TEAD2: variants seen among roughly 807,000 people sequenced by gnomAD.
TEAD2 encodes transcriptional enhancer factor TEF-4.
TEAD2 carries 51 observed loss-of-function variants against 61.4 expected under a neutral mutation model. That is an observed-to-expected ratio of 0.83 (90% CI 0.66 to 1.05). The LOEUF is 1.05. Among genes scored for constraint, TEAD2 ranks in the 50% least tolerant of loss-of-function variants. The pLI is 0.00. For synonymous variants in TEAD2, 244 were observed against 243.2 expected (o/e 1.00, Z -0.03); for missense variants, 509 against 600.0 (o/e 0.85, Z 1.58).
chr19:49,342,939 TGTAA>T (rs1327050951), intron 11 of TEAD2, among the ~76,000 whole-genome samples: 2 of 152,082 alleles, frequency 1.3e-5, no homozygotes, highest in Admixed American at 6.5e-5. Flanking sequence ...CTCCAGCAAC[TGTAA>T]GTGTGACTTC....
chr19:49,344,946 C>A (rs1293209916), intron 10 of TEAD2, among the ~76,000 whole-genome samples: 1 of 152,208 alleles, frequency 6.6e-6, no homozygotes, highest in Non-Finnish European at 1.5e-5. Context: ...GCGAGGCGCA[C>A]CTCTTCCTCT....
intron 11 of TEAD2, 65 bp downstream of exon 11, chr19:49,343,166 T>C (rs1971410310): frequency 6.6e-7 from 1 of 1,510,514 alleles, no homozygotes; most frequent in Non-Finnish European, 8.8e-7. Context: ...GCCTGAGTCA[T>C]GATGGCTTCT....
At position 49,341,852 on chromosome 19, in the gene TEAD2, T is replaced by A. The variant is rs1413363195; in HGVS notation, c.1243-415A>T. Among the ~76,000 whole-genome samples the A allele has an allele frequency of 6.6e-6, 1 of 152,024 alleles. No individual in the cohort carries two copies. The highest frequency in any genetic ancestry group is 1.5e-5 in the Non-Finnish European group (1 of 67,984). ...GACAAGCTGAGGATCTGCCTTCGAG[T>A]GCCCTCCAGTCAGCTTCACCAGGGA... On this transcript the variant is annotated intron_variant, in intron 12 of 12. Coordinates refer to ENST00000593945, the MANE Select transcript of TEAD2 (RefSeq NM_001256660.2). The surrounding 1 kb of genome is among the most constrained non-coding windows in gnomAD (Gnocchi z 4.2).
At chr19:49,355,669 A>G (rs1170880852) in intron 5 of TEAD2, among the ~76,000 whole-genome samples, 1 of 152,168 alleles carries the variant, frequency 6.6e-6, no homozygotes, top group Non-Finnish European at 1.5e-5. Context: ...TCTACTAAAA[A>G]TACAAAAACT....
chr19:49,359,947 C>T lies in TEAD2; in HGVS notation c.129G>A (p.Gly43=), dbSNP rs755034293. The T allele has an allele frequency of 1.9e-6, 3 of 1,612,018 alleles. No individual in the cohort carries two copies. Among genetic ancestry groups the T allele is most frequent in the South Asian group, 2.2e-5 (2 of 91,078 alleles). ...AGGDGGPDAE[G]VWSPDIEQSF... ...TCTGCTCAATGTCTGGGCTCCACAC[C>T]CCCTCTGCATCCGGGCCCCCGTCAC... Residue 43 remains glycine (G), a synonymous_variant, in exon 2 of 13, where the codon GGG becomes GGA. Transcript: ENST00000593945. The surrounding 1 kb of genome is among the most constrained non-coding windows in gnomAD (Gnocchi z 4.1).
rs917496084 is a variant in TEAD2, at chr19:49,355,105, G to A, written c.539+43C>T. 6 of 1,547,742 alleles carry A rather than the reference G, an allele frequency of 3.9e-6. No homozygotes were observed. The African/African-American group carries it at 5.5e-5, about 14-fold the overall frequency. The stretch of plus-strand genomic sequence containing the variant: ...GTGAGAAAGGTCTCTGTGGGAGTGT[G>A]AGGGTGGGGGGCAGGTGCTGAGCCA... On this transcript the variant is annotated intron_variant, in intron 7 of 12. Transcript: ENST00000593945.
intron 5 of TEAD2, 125 bp downstream of exon 5, chr19:49,355,832 GAA>G: frequency 1.1e-6 from 1 of 885,356 alleles, no homozygotes; most frequent in Non-Finnish European, 1.5e-6. Flanking sequence ...TCTCCAAAAA[GAA>G]AAAAAAAGGC....
Position 49,355,303 on chromosome 19 carries a change from C to G in TEAD2, c.480+9G>C. ...GCCCCCACGTCCCACAATCCCCAAC[C>G]TGGACCACCTGAGGACCAGTGGGAC... On this transcript the variant is annotated intron_variant, in intron 6 of 12. Coordinates refer to ENST00000593945, the MANE Select transcript of TEAD2 (RefSeq NM_001256660.2). 6.2e-7 allele frequency: 1 copy of G among 1,614,138 alleles called. No homozygotes were observed. The highest frequency in any genetic ancestry group is 8.5e-7 in the Non-Finnish European group (1 of 1,180,024).
At position 49,355,163 on chromosome 19, in the gene TEAD2, G is replaced by C; in HGVS notation, c.524C>G (p.Pro175Arg). The change falls in exon 7 of 13, where the codon CCC (proline) becomes CGC (arginine). Residue 175 changes from proline (P) to arginine (R), a missense_variant. Pro to Arg is a moderately radical substitution (Grantham distance 103). Transcript: ENST00000593945. ...TAGTACTCACTCTGGAACATTCCAG[G>C]GGGGCCCAGATCCTCCAGACCAAAA... The part of the protein sequence containing the change: ...FQFWSGGSGP[P>R]WNVPDVKPFS... The C allele has an allele frequency of 6.2e-7, 1 of 1,610,502 alleles. No individual in the cohort carries two copies. Among genetic ancestry groups the C allele is most frequent in the South Asian group, 1.1e-5 (1 of 90,506 alleles).
At position 49,347,314 on chromosome 19, in the gene TEAD2, C is replaced by T; in HGVS notation, c.797G>A (p.Gly266Glu). The T allele has an allele frequency of 6.2e-7, 1 of 1,613,300 alleles. No individual in the cohort carries two copies. Among genetic ancestry groups the T allele is most frequent in the Non-Finnish European group, 8.5e-7 (1 of 1,180,018 alleles). ...VHISQHCPSP[G>E]APPLESVDVR... ...GTCCACACTCTCGAGCGGCGGCGCT[C>T]CGGGGCTGGGGCAGTGCTGGCTGAT... The change falls in exon 10 of 13, where the codon GGA becomes GAA. Residue 266 changes from glycine (G) to glutamate (E), a missense_variant. Physicochemically the swap from Gly to Glu is moderately conservative, Grantham distance 98. Coordinates refer to ENST00000593945, the MANE Select transcript of TEAD2 (RefSeq NM_001256660.2).
intron 10 of TEAD2, among the ~76,000 whole-genome samples, chr19:49,344,106 G>A (rs920468117): frequency 5.9e-5 from 9 of 151,582 alleles, no homozygotes; most frequent in African/African-American, 1.5e-4. Context: ...CTTGGCCTCC[G>A]AAAGTGCTGG....
chr19:49,348,800 G>T lies in TEAD2; in HGVS notation c.650C>A (p.Pro217Gln). The T allele has an allele frequency of 6.2e-7, 1 of 1,608,582 alleles. No homozygotes were observed. Among genetic ancestry groups the T allele is most frequent in the East Asian group, 2.2e-5 (1 of 44,820 alleles). Residue 217 changes from proline (P) to glutamine (Q), a missense_variant, in exon 9 of 13, where the codon CCA becomes CAA. By Grantham distance (76) the Pro-to-Gln change is moderately conservative (BLOSUM62 -1). Transcript: ENST00000593945. Reference sequence around the variant, plus strand: ...CCGAGCCTGCCAGGCTGGGGGCGATGGGGTAGGTGGGGGCAGGGGTGAGAG... The same window carrying T: ...CCGAGCCTGCCAGGCTGGGGGCGATTGGGTAGGTGGGGGCAGGGGTGAGAG... Reference protein sequence around the residue: ...QALSPLPPPTPSPPAWQARGL... With the variant: ...QALSPLPPPTQSPPAWQARGL...
At chr19:49,357,391 G>T in intron 3 of TEAD2, 77 bp from the exon 4 acceptor site, 1 of 1,429,176 alleles carries the variant, frequency 7.0e-7, no homozygotes, top group Non-Finnish European at 9.8e-7. Context: ...CTCCCTCCAG[G>T]TGCCTCACTG....
chr19:49,341,466 A>G lies in TEAD2; in HGVS notation c.1243-29T>C, dbSNP rs774651713. ...CCAGGAAGGCCAGGACAAGGGACTT[A>G]TGCTTAGAAGGGAGGGCAGGGACCC... On this transcript the variant is annotated intron_variant, in intron 12 of 12. Transcript: ENST00000593945. This position sits in a 1 kb window ranked among gnomAD's most constrained non-coding sequence, Gnocchi z 4.2. 6 of 1,596,506 alleles carry G rather than the reference A, an allele frequency of 3.8e-6. No homozygotes were observed. Among genetic ancestry groups the G allele is most frequent in the East Asian group, 2.2e-5 (1 of 44,798 alleles).
intron 7 of TEAD2, among the ~76,000 whole-genome samples, chr19:49,353,729 C>T (rs933476301): frequency 5.3e-5 from 8 of 151,700 alleles, no homozygotes. Flanking sequence ...GCAGCAGCTC[C>T]CCAGTGACCT....
In TEAD2 at chr19:49,359,379, T is replaced by C; in HGVS notation, c.297+56A>G. 6.4e-7 allele frequency: 1 copy of C among 1,558,132 alleles called. No individual in the cohort carries two copies. The highest frequency in any genetic ancestry group is 2.2e-5 in the East Asian group (1 of 44,564). On this transcript the variant is annotated intron_variant, in intron 3 of 12. Transcript: ENST00000593945. This position sits in a 1 kb window ranked among gnomAD's most constrained non-coding sequence, Gnocchi z 4.1. ...GAACCTGAACCTGCCCATGCGAGGA[T>C]GACCCTAAGAAGACCGGCCCATCCC...
intron 1 of TEAD2, 168 bp from the exon 2 acceptor site, chr19:49,360,249 G>GAGGAGGATCTGGGGC (rs1972747979): frequency 4.8e-6 from 3 of 623,890 alleles, no homozygotes; most frequent in East Asian, 2.8e-5. Flanking sequence ...GGGTCTGAGG[G>GAGGAGGATCTGGGGC]AGGAGGATCT....
intron 7 of TEAD2, among the ~76,000 whole-genome samples, chr19:49,353,315 T>C (rs1262589452): frequency 6.6e-6 from 1 of 151,898 alleles, no homozygotes; most frequent in Non-Finnish European, 1.5e-5. Flanking sequence ...GACAGGCTGG[T>C]CTCGAACTCC....
intron 4 of TEAD2, 189 bp from the exon 5 acceptor site, chr19:49,356,159 C>G: frequency 4.9e-6 from 2 of 407,294 alleles, no homozygotes; most frequent in Non-Finnish European, 4.2e-6. Flanking sequence ...AAAGGGGCTC[C>G]CTGCCCAGAA....
Sources: gnomAD v4.1 joint callset for allele counts (sites outside exome capture counted in the v4.1 genomes callset) on GRCh38, gnomAD v4.1.1 for gene constraint, Gnocchi (gnomAD v3.1) non-coding constraint, MANE v1.5 for transcripts, NCBI Gene and HGNC (gene_info 2026-07-23, HGNC 2026-07-21) for gene names.